FMNL3: variants seen among roughly 807,000 people sequenced by gnomAD.
FMNL3 encodes formin like 3, also known as formin-like protein 3.
FMNL3 carries 57 observed loss-of-function variants against 119.6 expected under a neutral mutation model. The ratio of observed to expected loss-of-function variants is 0.48; its 90% CI spans 0.39 to 0.59. FMNL3 has a LOEUF of 0.59. FMNL3 is among the 20% of genes least tolerant of loss of function. The pLI, the probability that FMNL3 is intolerant of heterozygous loss-of-function variation, is 0.00. For synonymous variants in FMNL3, 491 were observed against 507.3 expected, an observed-to-expected ratio of 0.97 and a Z score of 0.43; for missense variants, 1,053 against 1,323.5, an observed-to-expected ratio of 0.80 and a Z score of 3.17.
At chr12:49,682,649 A>T (rs1385361173) in intron 1 of FMNL3, among the ~76,000 whole-genome samples, 1 of 152,180 alleles carries the variant, frequency 6.6e-6, no homozygotes, top group Admixed American at 6.5e-5. Flanking sequence ...GCCCAGCCTA[A>T]TTTCATAGTA....
At chr12:49,658,651 A>G in intron 5 of FMNL3, 57 bp from the exon 6 acceptor site, 2 of 1,503,790 alleles carry the variant, frequency 1.3e-6, no homozygotes, top group Non-Finnish European at 1.8e-6. Context: ...GGAGAAATTC[A>G]GTGCCAAGGC....
intron 21 of FMNL3, 144 bp from the exon 22 acceptor site, chr12:49,648,497 C>T: frequency 1.2e-6 from 1 of 814,940 alleles, no homozygotes; most frequent in South Asian, 2.3e-5. Context: ...GAAGTACACA[C>T]CAAGCTAGCT....
At position 49,639,653 on chromosome 12, in the gene FMNL3, A is replaced by G. The variant is rs779174315; in HGVS notation, c.*6162T>C. 1 of 152,100 alleles carries G rather than the reference A, an allele frequency of 6.6e-6. No homozygotes were observed. The highest frequency in any genetic ancestry group is 2.4e-5 in the African/African-American group (1 of 41,426). 9.4% of individuals were successfully genotyped at this position (152,100 alleles called of 1,614,324 possible). A position where few individuals can be genotyped will look rare whatever the true frequency, so the allele number is the denominator to read the frequency against. On this transcript the variant is annotated 3_prime_UTR_variant, in exon 26 of 26. Coordinates refer to ENST00000335154, the MANE Select transcript of FMNL3 (RefSeq NM_175736.5). ...TTTATGCATAAAGGTTCTACATAAG[A>G]TTTCTATTTTAATAAACTGTTTCTG...
Position 49,642,199 on chromosome 12 carries a change from C to T in FMNL3, c.*3616G>A, listed in dbSNP as rs1364823144. ...TGAGTGGGACCTGGCATCCACCCTC[C>T]TGGGTGACCCTGTTCCGTGTCCCTT... On this transcript the variant is annotated 3_prime_UTR_variant, in exon 26 of 26. Transcript: ENST00000335154. The surrounding 1 kb of genome is among the most constrained non-coding windows in gnomAD (Gnocchi z 5.8). 18 of 1,613,952 alleles carry T rather than the reference C, an allele frequency of 1.1e-5. No homozygotes were observed. The highest frequency in any genetic ancestry group is 1.5e-5 in the Non-Finnish European group (18 of 1,179,954).
rs774077124 is a variant in FMNL3 at position 49,642,702 on chromosome 12, G to A, written c.*3113C>T. On this transcript the variant is annotated 3_prime_UTR_variant, in exon 26 of 26. Transcript: ENST00000335154. This position sits in a 1 kb window ranked among gnomAD's most constrained non-coding sequence, Gnocchi z 5.8. ...TGAGGCAGGCTTGTCCTCTGGATCT[G>A]CCTCAGGCCCTTGAACTCATTAGAC... 6.2e-7 allele frequency: 1 copy of A among 1,606,622 alleles called. No homozygotes were observed. The highest frequency in any genetic ancestry group is 8.5e-7 in the Non-Finnish European group (1 of 1,176,148).
rs1943310579 is a variant in FMNL3, at chr12:49,649,148, G to T, written c.2396C>A (p.Thr799Asn). Reference sequence around the variant, plus strand: ...TGTCATCTTCCGGTCAGTGGACTTGGTATCCAGCAGCTAGGAGAGGGGGTG... The same window carrying T: ...TGTCATCTTCCGGTCAGTGGACTTGTTATCCAGCAGCTAGGAGAGGGGGTG... ...KLQSLDLLLDTKSTDRKMTLL... is the reference protein window; with the variant it reads ...KLQSLDLLLDNKSTDRKMTLL... Residue 799 changes from threonine to asparagine, a missense_variant, in exon 21 of 26, where the codon ACC becomes AAC. This residue lies in a region of FMNL3 where 324 missense variants were observed against 380.9 expected (regional missense o/e 0.85). Transcript: ENST00000335154. This position sits in a 1 kb window ranked among gnomAD's most constrained non-coding sequence, Gnocchi z 5.6. The T allele has an allele frequency of 6.2e-7, 1 of 1,613,028 alleles. No homozygotes were observed. Among genetic ancestry groups the T allele is most frequent in the Non-Finnish European group, 8.5e-7 (1 of 1,179,438 alleles).
intron 1 of FMNL3, among the ~76,000 whole-genome samples, chr12:49,681,542 C>T (rs1944335269): frequency 2.0e-5 from 3 of 151,918 alleles, no homozygotes; most frequent in Non-Finnish European, 2.9e-5. Context: ...TCAGGGATGA[C>T]TGGATTTGAA....
chr12:49,699,218 C>T (rs776850907), intron 1 of FMNL3, among the ~76,000 whole-genome samples: 5 of 152,212 alleles, frequency 3.3e-5, no homozygotes, highest in African/African-American at 7.2e-5. Flanking sequence ...AGGCAGCCAA[C>T]ACTGCTGTCC....
intron 5 of FMNL3, among the ~76,000 whole-genome samples, chr12:49,659,186 C>T (rs1380374861): frequency 2.0e-5 from 3 of 152,144 alleles, no homozygotes; most frequent in Admixed American, 6.5e-5. Flanking sequence ...CACCACTGCC[C>T]CATCTTAGCA....
rs1943114928 is a variant in FMNL3, at chr12:49,645,084, C to A, written c.*731G>T. On this transcript the variant is annotated 3_prime_UTR_variant, in exon 26 of 26. Transcript: ENST00000335154. ...GAAGGTAAGCAAATAGCCAAGACCA[C>A]CATGCTCCTTGTCCCCTGCCAAAAA... is the stretch of plus-strand genomic sequence containing the variant. 1 of 143,788 alleles carries A rather than the reference C, an allele frequency of 7.0e-6. No homozygotes were observed. 8.9% of individuals were successfully genotyped at this position (143,788 alleles called of 1,614,324 possible). A position where few individuals can be genotyped will look rare whatever the true frequency, so the allele number is the denominator to read the frequency against.
intron 5 of FMNL3, 75 bp from the exon 6 acceptor site, chr12:49,658,669 G>A (rs1176763142): frequency 4.1e-6 from 6 of 1,469,570 alleles, no homozygotes; most frequent in Middle Eastern, 1.8e-4. Flanking sequence ...GGCCCCCCGT[G>A]AGCCCACCCC....
Position 49,654,922 on chromosome 12 carries a change from A to C in FMNL3, c.948T>G (p.Asn316Lys). The C allele has an allele frequency of 6.2e-7, 1 of 1,614,088 alleles. No individual in the cohort carries two copies. Among genetic ancestry groups the C allele is most frequent in the Non-Finnish European group, 8.5e-7 (1 of 1,179,990 alleles). Residue 316 changes from asparagine (N) to lysine (K), a missense_variant, in exon 10 of 26, where the codon AAT (asparagine) becomes AAG (lysine). Around this residue, in one of 4 missense-constraint regions of FMNL3, gnomAD observed 445 missense variants for 628.4 expected, o/e 0.71. Transcript: ENST00000335154. The stretch of plus-strand genomic sequence containing the variant: ...CCCAGTTCCTCACCATGAAGTCAAT[A>C]TTGCTGTCCTCATTCCGGAAATACT... ...LMEYFRNEDS[N>K]IDFMVACMQF...
rs539002537 is a variant in FMNL3, at chr12:49,637,118, T to C, written c.*8697A>G. ...CAGGCATGACTTGGCAGCTAGGCCA[T>C]GTTTATTTCCCTTGGTGGGGCACCC... On this transcript the variant is annotated 3_prime_UTR_variant, in exon 26 of 26. Transcript: ENST00000335154. 2.6e-5 allele frequency: 15 copies of C among 587,000 alleles called. No homozygotes were observed. In the African/African-American group the frequency reaches 2.6e-4, roughly 10 times the overall value. The allele number at this position is 587,000 out of a possible 1,614,324, so 36.4% of individuals were successfully genotyped here.
At chr12:49,653,683 TC>T (rs762248378) in intron 12 of FMNL3, 41 bp downstream of exon 12, 2 of 1,610,996 alleles carry the variant, frequency 1.2e-6, no homozygotes, top group South Asian at 2.2e-5. Flanking sequence ...TACTTGAGCT[TC>T]CATCAACAGT....
chr12:49,654,845 C>A, intron 10 of FMNL3, 65 bp downstream of exon 10: 1 of 1,492,996 alleles, frequency 6.7e-7, no homozygotes, highest in Admixed American at 1.8e-5. Context: ...GGCCTCACCC[C>A]TGTTGTCAAG....
intron 1 of FMNL3, among the ~76,000 whole-genome samples, chr12:49,674,706 C>T (rs1944136831): frequency 6.6e-6 from 1 of 152,226 alleles, no homozygotes; most frequent in Admixed American, 6.5e-5. Context: ...ATTGAAGCTA[C>T]CACTCTGGTG....
In FMNL3 at chr12:49,640,388, A is replaced by C. The variant is rs1002019336; in HGVS notation, c.*5427T>G. 1 of 152,272 alleles carries C rather than the reference A, an allele frequency of 6.6e-6. No individual in the cohort carries two copies. The highest frequency in any genetic ancestry group is 1.5e-5 in the Non-Finnish European group (1 of 68,068). The allele number at this position is 152,272 out of a possible 1,614,324, so 9.4% of individuals were successfully genotyped here. ...AGGACTAAGTGCTGTTCTCAGGAAC[A>C]TGCATATGCAAGAGAATAAAAGGTC... On this transcript the variant is annotated 3_prime_UTR_variant, in exon 26 of 26. Transcript: ENST00000335154.
At chr12:49,689,894 T>A (rs754806098) in intron 1 of FMNL3, among the ~76,000 whole-genome samples, 11 of 152,032 alleles carry the variant, frequency 7.2e-5, no homozygotes, top group Non-Finnish European at 1.3e-4. Context: ...CCTGGAACAA[T>A]CTCCTCTCTC....
At chr12:49,648,879 T>C in intron 21 of FMNL3, 150 bp downstream of exon 21, 1 of 1,267,250 alleles carries the variant, frequency 7.9e-7, no homozygotes, top group Non-Finnish European at 1.0e-6. Flanking sequence ...GGCCCCTGCT[T>C]AAGGCTCCAG....
Sources: allele counts gnomAD v4.1 joint callset (sites outside exome capture counted in the v4.1 genomes callset), GRCh38; gene constraint gnomAD v4.1.1; regional missense constraint gnomAD v4.1.1; non-coding constraint Gnocchi (gnomAD v3.1); transcripts MANE v1.5; gene names NCBI Gene and HGNC (gene_info 2026-07-23, HGNC 2026-07-21).